The following NAV2 variants were observed in gnomAD, a reference collection of about 807,000 sequenced individuals.
NAV2 encodes the protein helicase, APC down-regulated 1.
A neutral mutation model predicts 223.2 loss-of-function variants in NAV2; 54 were observed. The observed-to-expected ratio is 0.24, with a 90% CI of 0.19 to 0.30. The LOEUF (loss-of-function observed/expected upper bound fraction) is 0.30. Among genes scored for constraint, NAV2 ranks in the 10% least tolerant of loss-of-function variants. The pLI is 1.00. For synonymous variants in NAV2, 1,279 were observed against 1,239.3 expected (o/e 1.03, Z -0.67); for missense variants, 2,806 against 3,147.5 (o/e 0.89, Z 2.60).
At chr11:19,485,175 A>C (rs1173564183) in intron 1 of NAV2, among the ~76,000 whole-genome samples, 2 of 152,092 alleles carry the variant, frequency 1.3e-5, no homozygotes, top group Non-Finnish European at 2.9e-5. Context: ...TAAGAGCTTT[A>C]CTTTGCCATA....
intron 1 of NAV2, among the ~76,000 whole-genome samples, chr11:19,351,976 AGTGTGTGTGTGTGT>A (rs59544307): frequency 8.2e-5 from 12 of 145,682 alleles, no homozygotes; most frequent in Middle Eastern, 6.9e-3. Context: ...TCTCTCTGTG[AGTGTGTGTGTGTGT>A]GTGTGTGTGT....
At chr11:19,667,000 A>T (rs1188993999) in intron 1 of NAV2, among the ~76,000 whole-genome samples, 1 of 152,092 alleles carries the variant, frequency 6.6e-6, no homozygotes, top group African/African-American at 2.4e-5. Context: ...CTTCCTCCAG[A>T]AGGCCCTCCC....
chr11:19,365,160 C>T (rs1848233528), intron 1 of NAV2, among the ~76,000 whole-genome samples: 1 of 152,226 alleles, frequency 6.6e-6, no homozygotes, highest in African/African-American at 2.4e-5. Context: ...GTAAGACTGG[C>T]TTTCCTAGTG....
intron 7 of NAV2, among the ~76,000 whole-genome samples, chr11:19,937,631 A>C (rs75693110): frequency 6.6e-6 from 1 of 152,208 alleles, no homozygotes; most frequent in Non-Finnish European, 1.5e-5. Context: ...CAAGTTTTGC[A>C]TGGCTAACAA....
intron 1 of NAV2, among the ~76,000 whole-genome samples, chr11:19,422,513 G>T (rs1197677318): frequency 6.6e-6 from 1 of 152,188 alleles, no homozygotes; most frequent in African/African-American, 2.4e-5. Flanking sequence ...AGGATTGTGG[G>T]TTGGGTAGGA....
At chr11:19,962,422 C>T (rs1377224577) in intron 10 of NAV2, among the ~76,000 whole-genome samples, 2 of 152,122 alleles carry the variant, frequency 1.3e-5, no homozygotes, top group African/African-American at 4.8e-5. Flanking sequence ...ATCAGCCATC[C>T]CAGCCTGTAA....
chr11:20,091,002 C>G lies in NAV2; in HGVS notation c.5636C>G (p.Ala1879Gly). 2 of 1,613,430 alleles carry G rather than the reference C, an allele frequency of 1.2e-6. No individual in the cohort carries two copies. The highest frequency in any genetic ancestry group is 4.5e-5 in the East Asian group (2 of 44,882). The change falls in exon 27 of 38, where the codon GCC becomes GGC. Residue 1879 changes from alanine (A) to glycine (G), a missense_variant. Physicochemically the swap from Ala to Gly is moderately conservative, Grantham distance 60. Transcript: ENST00000349880. ...CACCAGCTGGACCAGCTCCGGGAGG[C>G]CATGAACAGGATGCAGGTGAGAGCC... ...SAHQLDQLRE[A>G]MNRMQSEIEK... is the part of the protein sequence containing the mutation.
intron 1 of NAV2, among the ~76,000 whole-genome samples, chr11:19,357,394 C>A (rs1168772196): frequency 6.6e-6 from 1 of 152,160 alleles, no homozygotes; most frequent in Non-Finnish European, 1.5e-5. Context: ...ATTTATTTAA[C>A]CTTTCTAGCC....
chr11:20,076,025 CA>C (rs1191201543), intron 22 of NAV2, among the ~76,000 whole-genome samples: 1 of 152,132 alleles, frequency 6.6e-6, no homozygotes, highest in African/African-American at 2.4e-5. Flanking sequence ...CTTTTTTCCC[CA>C]CAAGTGTCCA....
At chr11:19,951,541 G>A (rs1049551989) in intron 10 of NAV2, among the ~76,000 whole-genome samples, 3 of 150,906 alleles carry the variant, frequency 2.0e-5, no homozygotes, top group Non-Finnish European at 4.4e-5. Context: ...ATATACTACC[G>A]AACAAATTGT....
chr11:19,363,616 C>T (rs975781355), intron 1 of NAV2, among the ~76,000 whole-genome samples: 11 of 152,192 alleles, frequency 7.2e-5, no homozygotes, highest in African/African-American at 2.4e-4. Context: ...TCTCTGACTG[C>T]GTGTCCTACA....
intron 1 of NAV2, among the ~76,000 whole-genome samples, chr11:19,525,780 A>G (rs966634708): frequency 1.3e-5 from 2 of 152,180 alleles, no homozygotes; most frequent in East Asian, 3.9e-4. Flanking sequence ...TGCCTCCTGG[A>G]GATAACCTAC....
At chr11:19,872,777 T>C (rs1015831385) in intron 4 of NAV2, among the ~76,000 whole-genome samples, 2 of 152,238 alleles carry the variant, frequency 1.3e-5, no homozygotes, top group Non-Finnish European at 2.9e-5. Context: ...CGGCGGATGC[T>C]TGGGGGCAGA....
At chr11:19,703,177 G>A (rs2049560113) in intron 1 of NAV2, among the ~76,000 whole-genome samples, 1 of 152,100 alleles carries the variant, frequency 6.6e-6, no homozygotes, top group Non-Finnish European at 1.5e-5. Flanking sequence ...TCTAATTTTT[G>A]TTAAATTATC....
upstream of NAV2, among the ~76,000 whole-genome samples, chr11:19,348,550 AT>A (rs1271861074): frequency 6.6e-6 from 1 of 152,210 alleles, no homozygotes; most frequent in Non-Finnish European, 1.5e-5. Flanking sequence ...CAGTTGTCTC[AT>A]CTCGAATACA....
intron 1 of NAV2, among the ~76,000 whole-genome samples, chr11:19,715,684 C>A (rs2152329712): frequency 6.6e-6 from 1 of 152,280 alleles, no homozygotes; most frequent in East Asian, 1.9e-4. Flanking sequence ...TGATTCATCA[C>A]CCTGTCCGTG....
chr11:19,536,227 A>C (rs1343717371), intron 1 of NAV2, among the ~76,000 whole-genome samples: 1 of 152,172 alleles, frequency 6.6e-6, no homozygotes, highest in Non-Finnish European at 1.5e-5. Context: ...TAGTGAAGTA[A>C]ATCAACTTTC....
chr11:19,371,335 T>C (rs1450827369), intron 1 of NAV2, among the ~76,000 whole-genome samples: 1 of 152,210 alleles, frequency 6.6e-6, no homozygotes, highest in Non-Finnish European at 1.5e-5. Context: ...GGCCAGAGTC[T>C]GCATTCTGAA....
upstream of NAV2, among the ~76,000 whole-genome samples, chr11:19,347,733 A>T (rs915640691): frequency 2.6e-5 from 4 of 152,164 alleles, no homozygotes; most frequent in Admixed American, 2.0e-4. Context: ...GCATTTAGGG[A>T]TCAATCCAGC....
Sources: gnomAD v4.1 joint callset for allele counts (sites outside exome capture counted in the v4.1 genomes callset) on GRCh38, gnomAD v4.1.1 for gene constraint, MANE v1.5 for transcripts, NCBI Gene and HGNC (gene_info 2026-07-23, HGNC 2026-07-21) for gene names.